EXTL3: variants seen among roughly 807,000 people sequenced by gnomAD.
EXTL3 encodes the protein exostosin like glycosyltransferase 3.
A neutral mutation model predicts 69.3 loss-of-function variants in EXTL3; 27 were observed. The observed-to-expected ratio is 0.39, with a 90% CI of 0.29 to 0.54. The LOEUF is 0.54. EXTL3 is among the 20% of genes least tolerant of loss of function. EXTL3 has a pLI of 0.69. For missense variants in EXTL3, 1,003 were observed against 1,231.8 expected, an observed-to-expected ratio of 0.81 and a Z score of 2.78; for synonymous variants, 511 against 499.4, an observed-to-expected ratio of 1.02 and a Z score of -0.31.
At chr8:28,701,897 G>A (rs547404134) in intron 1 of EXTL3, among the ~76,000 whole-genome samples, 1 of 152,286 alleles carries the variant, frequency 6.6e-6, no homozygotes, top group South Asian at 2.1e-4. Context: ...GCCGGCAGCC[G>A]GGAGGGCTAA....
rs550423952 is a variant in EXTL3 at position 28,743,369 on chromosome 8, A to G, written c.2550+155A>G. ...TCATCAAAGGATTGTCTGTGAGCTT[A>G]AATGAGTTGTTACTACAGGGGCCCT... is the stretch of plus-strand genomic sequence containing the variant. On this transcript the variant is annotated intron_variant, in intron 6 of 6. Coordinates refer to ENST00000220562, the MANE Select transcript of EXTL3 (RefSeq NM_001440.4). 3.9e-5 allele frequency among the ~76,000 whole-genome samples: 6 copies of G among 152,364 alleles called. No individual in the cohort carries two copies. In the South Asian group the frequency reaches 1.0e-3, roughly 26 times the overall value.
At chr8:28,724,410 C>A (rs1801365453) in intron 3 of EXTL3, among the ~76,000 whole-genome samples, 1 of 152,128 alleles carries the variant, frequency 6.6e-6, no homozygotes, top group African/African-American at 2.4e-5. Context: ...ATTCTCTTTT[C>A]TTCCTTTGCG....
At chr8:28,609,134 G>GCA (rs59594386) in intron 2 of EXTL3, among the ~76,000 whole-genome samples, 40,891 of 151,772 alleles carry the variant, frequency 0.27, 5,642 homozygotes, top group Non-Finnish European at 0.29. Flanking sequence ...CACATTTGAG[G>GCA]CAGAAATAAG....
At chr8:28,701,955 C>G (rs1209655495) in intron 1 of EXTL3, among the ~76,000 whole-genome samples, 1 of 152,056 alleles carries the variant, frequency 6.6e-6, no homozygotes, top group Non-Finnish European at 1.5e-5. Flanking sequence ...CACGCCCTCT[C>G]TCGTCCCAGT....
intron 1 of EXTL3, chr8:28,622,958 ACT>A (rs1806437509): frequency 6.7e-6 from 1 of 148,424 alleles, no homozygotes. Flanking sequence ...CGATTTTAAA[ACT>A]CTTTGTCTGG....
intron 1 of EXTL3, among the ~76,000 whole-genome samples, chr8:28,681,835 C>T (rs1807495178): frequency 1.3e-5 from 2 of 152,134 alleles, no homozygotes; most frequent in Non-Finnish European, 2.9e-5. Context: ...AGGCGGATTA[C>T]CAGAGGTTGG....
intron 1 of EXTL3, 46 bp from the exon 2 acceptor site, chr8:28,713,411 T>A (rs986434749): frequency 4.2e-5 from 28 of 668,116 alleles, no homozygotes; most frequent in Non-Finnish European, 7.2e-5. Flanking sequence ...TTTCTAATAG[T>A]ATGTCACTGT....
rs549034078 is a variant in EXTL3, at chr8:28,746,778, C to T, written c.2550+3564C>T. On this transcript the variant is annotated intron_variant, in intron 6 of 6. Transcript: ENST00000220562. ...GCAACCTCTGCCTCCCGGGTTCAAGCGATTTTCCTGCCTCAGTCTTCTGAG... is the reference window on the plus strand; with the variant it reads ...GCAACCTCTGCCTCCCGGGTTCAAGTGATTTTCCTGCCTCAGTCTTCTGAG... Among the ~76,000 whole-genome samples, 22 of 152,146 alleles carry T rather than the reference C, an allele frequency of 1.4e-4. No homozygotes were observed. The South Asian group carries it at 4.4e-3, about 30-fold the overall frequency.
chr8:28,687,601 C>T (rs1010999221), intron 1 of EXTL3, among the ~76,000 whole-genome samples: 4 of 152,128 alleles, frequency 2.6e-5, no homozygotes, highest in African/African-American at 9.7e-5. Flanking sequence ...ATTTAGTGGA[C>T]AGTTTGGCTC....
intron 1 of EXTL3, among the ~76,000 whole-genome samples, chr8:28,639,740 T>C (rs1806714133): frequency 6.6e-6 from 1 of 152,224 alleles, no homozygotes; most frequent in Non-Finnish European, 1.5e-5. Flanking sequence ...CTGAAGTATG[T>C]ATATACTCTT....
rs143993849 is a variant in EXTL3 at position 28,671,004 on chromosome 8, G to A, written c.-52-42453G>A. Among the ~76,000 whole-genome samples the A allele has an allele frequency of 7.0e-3, 1,054 of 151,204 alleles. 16 individuals carry two copies. The highest frequency in any genetic ancestry group is 0.024 in the African/African-American group (1,003 of 41,116). On this transcript the variant is annotated intron_variant, in intron 1 of 6. Coordinates refer to the EXTL3 transcript ENST00000523149. ...TTTTAATTAATTTATTTTTTGAGAC[G>A]GAGTCTTGCTCTGTCACCTAGGCTG...
At chr8:28,657,398 C>G (rs1181198287) in intron 1 of EXTL3, among the ~76,000 whole-genome samples, 4 of 152,252 alleles carry the variant, frequency 2.6e-5, no homozygotes, top group Non-Finnish European at 5.9e-5. Context: ...CTTTCTTACT[C>G]TGGCACCTTG....
At chr8:28,677,354 C>A (rs543623775) in intron 1 of EXTL3, among the ~76,000 whole-genome samples, 6 of 152,072 alleles carry the variant, frequency 3.9e-5, no homozygotes, top group Non-Finnish European at 8.8e-5. Flanking sequence ...TCTGACTCCC[C>A]CACTGTGCCT....
At chr8:28,729,514 TGAA>T (rs1801488244) in intron 3 of EXTL3, among the ~76,000 whole-genome samples, 2 of 136,268 alleles carry the variant, frequency 1.5e-5, no homozygotes, top group Non-Finnish European at 3.0e-5. Context: ...GAGAATCACT[TGAA>T]CTCAGAGGGC....
intron 1 of EXTL3, among the ~76,000 whole-genome samples, chr8:28,649,856 A>AT (rs58608337): frequency 0.29 from 44,584 of 151,710 alleles, 6,661 homozygotes; most frequent in Non-Finnish European, 0.32. Flanking sequence ...TAAAGTTTTG[A>AT]TTTTTTTTAC....
intron 2 of EXTL3, among the ~76,000 whole-genome samples, chr8:28,614,732 A>G (rs1352447225): frequency 6.6e-6 from 1 of 152,008 alleles, no homozygotes; most frequent in African/African-American, 2.4e-5. Flanking sequence ...GATAAATGAT[A>G]TTTTCATTTT....
At chr8:28,756,142 CTT>C (rs1802118638), downstream of EXTL3, among the ~76,000 whole-genome samples, 1 of 152,190 alleles carries the variant, frequency 6.6e-6, no homozygotes, top group Non-Finnish European at 1.5e-5. Context: ...AGTGTGCATT[CTT>C]TTGAGTTCTG....
chr8:28,622,258 C>A (rs892561135), upstream of EXTL3, among the ~76,000 whole-genome samples: 1 of 152,258 alleles, frequency 6.6e-6, no homozygotes, highest in Non-Finnish European at 1.5e-5. Flanking sequence ...GGTAGCCCCG[C>A]ACTCTAAGCA....
intron 1 of EXTL3, among the ~76,000 whole-genome samples, chr8:28,638,139 G>A (rs145119005): frequency 8.9e-4 from 135 of 152,168 alleles, no homozygotes; most frequent in African/African-American, 2.9e-3. Context: ...TTTCTGCCCT[G>A]GGCCCCCTAC....
Sources: allele counts gnomAD v4.1 joint callset (sites outside exome capture counted in the v4.1 genomes callset), GRCh38; gene constraint gnomAD v4.1.1; transcripts MANE v1.5; gene names NCBI Gene and HGNC (gene_info 2026-07-23, HGNC 2026-07-21).